Variants in ATG7 observed in about 807,000 individuals in gnomAD.
The protein encoded by ATG7 is autophagy related 7.
ATG7 carries 70 observed loss-of-function variants against 82.4 expected under a neutral mutation model. The ratio of observed to expected loss-of-function variants is 0.85; its 90% CI spans 0.70 to 1.04. The LOEUF (loss-of-function observed/expected upper bound fraction) is 1.04. Among genes scored for constraint, ATG7 ranks in the 50% least tolerant of loss-of-function variants. ATG7 has a pLI of 0.00. For missense variants in ATG7, 792 were observed against 864.3 expected, an observed-to-expected ratio of 0.92 and a Z score of 1.05; for synonymous variants, 287 against 313.0, an observed-to-expected ratio of 0.92 and a Z score of 0.88.
At chr3:11,472,540 A>C (rs1039120795) in intron 20 of ATG7, among the ~76,000 whole-genome samples, 2 of 152,158 alleles carry the variant, frequency 1.3e-5, no homozygotes, top group African/African-American at 4.8e-5. Flanking sequence ...AGAGCCAGGG[A>C]GAAATTGGTG....
At chr3:11,444,114 A>G (rs576867411) in intron 20 of ATG7, among the ~76,000 whole-genome samples, 3 of 152,282 alleles carry the variant, frequency 2.0e-5, no homozygotes, top group South Asian at 2.1e-4. Context: ...GTTTTGCCCA[A>G]TATTGTAAAG....
chr3:11,453,186 C>T (rs963470367), intron 20 of ATG7, among the ~76,000 whole-genome samples: 1 of 152,150 alleles, frequency 6.6e-6, no homozygotes, highest in East Asian at 1.9e-4. Context: ...CTCTGGGTTC[C>T]CCAGGTGGAG....
At chr3:11,558,889 TGCAGCACCCTCCCTCAG>T, downstream of ATG7, 1 of 1,572,624 alleles carries the variant, frequency 6.4e-7, no homozygotes. Context: ...CAGGCACGGT[TGCAGCACCCTCCCTCAG>T]GCAGCCCAGA....
At position 11,364,794 on chromosome 3, in the gene ATG7, C is replaced by G. The variant is rs2076491796; in HGVS notation, c.1875+60C>G. 7 of 1,573,110 alleles carry G rather than the reference C, an allele frequency of 4.4e-6. No individual in the cohort carries two copies. In the East Asian group the frequency reaches 1.1e-4, roughly 25 times the overall value. Reference sequence around the variant, plus strand: ...GGTACAGGGGGAAAGCATGTGGGGTCTCTTTGCCATTCCATCTGCCCAGCC... The same window carrying G: ...GGTACAGGGGGAAAGCATGTGGGGTGTCTTTGCCATTCCATCTGCCCAGCC... On this transcript the variant is annotated intron_variant, in intron 18 of 20. Transcript: ENST00000693202.
chr3:11,452,368 G>C (rs2152986952), intron 20 of ATG7, among the ~76,000 whole-genome samples: 1 of 117,758 alleles, frequency 8.5e-6, no homozygotes, highest in East Asian at 2.8e-4. Context: ...CTGGGCGACA[G>C]AGCGAGAACC....
intron 20 of ATG7, among the ~76,000 whole-genome samples, chr3:11,512,611 C>T (rs1050415720): frequency 1.3e-5 from 2 of 152,142 alleles, no homozygotes; most frequent in Non-Finnish European, 2.9e-5. Context: ...GTTATTTGTT[C>T]CTCCTGGTGG....
chr3:11,366,949 A>G (rs540684374), intron 18 of ATG7, among the ~76,000 whole-genome samples: 2 of 149,174 alleles, frequency 1.3e-5, no homozygotes, highest in South Asian at 2.1e-4. Context: ...CTGAAGAATA[A>G]CGCAGCCATA....
At chr3:11,567,021 A>G in the ATG7 span, among the ~76,000 whole-genome samples, 5 of 152,148 alleles carry the variant, frequency 3.3e-5, no homozygotes, top group Admixed American at 3.3e-4. Context: ...AAGCCTTTAG[A>G]TGGACCCTGC....
intron 19 of ATG7, among the ~76,000 whole-genome samples, chr3:11,407,982 T>C (rs1200469965): frequency 6.6e-6 from 1 of 152,242 alleles, no homozygotes; most frequent in East Asian, 1.9e-4. Context: ...TTAAGCAAAC[T>C]TCTGCAGCTG....
rs77075989 is a variant in ATG7, at chr3:11,403,543, A to C, written c.1957-23261A>C. Among the ~76,000 whole-genome samples, 21 of 152,330 alleles carry C rather than the reference A, an allele frequency of 1.4e-4. No individual in the cohort carries two copies. In the East Asian group the frequency reaches 3.7e-3, roughly 27 times the overall value. On this transcript the variant is annotated intron_variant, in intron 19 of 20. Coordinates refer to ENST00000693202, the MANE Select transcript of ATG7 (RefSeq NM_001349232.2). ...TGGAAACTAGCAAATGTAAACTTTT[A>C]TGTAGTTTTTAAGGTTTTTTCTTCT...
At chr3:11,520,637 G>A (rs2124912333) in intron 20 of ATG7, among the ~76,000 whole-genome samples, 1 of 152,256 alleles carries the variant, frequency 6.6e-6, no homozygotes, top group Admixed American at 6.5e-5. Context: ...CAGGGCCTCA[G>A]CACACACATT....
At chr3:11,482,878 T>C (rs917754099) in intron 20 of ATG7, among the ~76,000 whole-genome samples, 4 of 152,132 alleles carry the variant, frequency 2.6e-5, no homozygotes, top group South Asian at 2.1e-4. Context: ...TTGTTATCTA[T>C]ATACCTATGT....
At chr3:11,397,501 A>G (rs1287594208) in intron 19 of ATG7, among the ~76,000 whole-genome samples, 2 of 152,034 alleles carry the variant, frequency 1.3e-5, no homozygotes, top group African/African-American at 4.8e-5. Context: ...TCTGTCACCC[A>G]GGCTGGAGTG....
chr3:11,360,578 C>A lies in ATG7; in HGVS notation c.1480-3C>A. Reference sequence around the variant, plus strand: ...CTGCTCTTTCATTCCTTGAAACCTGCAGCTGGTCATCAATGCTGCTTTGGG... The same window carrying A: ...CTGCTCTTTCATTCCTTGAAACCTGAAGCTGGTCATCAATGCTGCTTTGGG... On this transcript the variant is annotated splice_region_variant and splice_polypyrimidine_tract_variant and intron_variant, in intron 15 of 20. Transcript: ENST00000693202. The A allele has an allele frequency of 6.2e-7, 1 of 1,612,070 alleles. No homozygotes were observed. Among genetic ancestry groups the A allele is most frequent in the South Asian group, 1.1e-5 (1 of 90,892 alleles).
At chr3:11,419,485 C>G (rs1241338247) in intron 19 of ATG7, among the ~76,000 whole-genome samples, 2 of 152,076 alleles carry the variant, frequency 1.3e-5, no homozygotes, top group Non-Finnish European at 2.9e-5. Context: ...ACCCAGGAGG[C>G]AGAGGCTGCA....
At chr3:11,500,654 T>C in intron 20 of ATG7, among the ~76,000 whole-genome samples, 1 of 152,188 alleles carries the variant, frequency 6.6e-6, no homozygotes, top group East Asian at 1.9e-4. Context: ...GGTTTTTTTG[T>C]TTGTTTGTCT....
intron 20 of ATG7, among the ~76,000 whole-genome samples, chr3:11,436,402 T>C (rs910404601): frequency 5.3e-5 from 8 of 152,204 alleles, no homozygotes; most frequent in Non-Finnish European, 1.2e-4. Flanking sequence ...TTTGGAAAAC[T>C]GTTTAACAGT....
chr3:11,560,282 T>TG (rs2125104929), downstream of ATG7, among the ~76,000 whole-genome samples: 1 of 152,282 alleles, frequency 6.6e-6, no homozygotes, highest in East Asian at 1.9e-4. Context: ...GTGTGGAACC[T>TG]GGGACAGAAA....
At chr3:11,421,069 T>C (rs767020565) in intron 19 of ATG7, among the ~76,000 whole-genome samples, 1 of 152,190 alleles carries the variant, frequency 6.6e-6, no homozygotes, top group Non-Finnish European at 1.5e-5. Flanking sequence ...AATACTTTTT[T>C]TTTGCTAAAA....
Sources: allele counts gnomAD v4.1 joint callset (sites outside exome capture counted in the v4.1 genomes callset), GRCh38; gene constraint gnomAD v4.1.1; transcripts MANE v1.5; gene names NCBI Gene and HGNC (gene_info 2026-07-23, HGNC 2026-07-21).